Variants in PIWIL1 observed in about 807,000 individuals in gnomAD.
The protein encoded by PIWIL1 is piwi like RNA-mediated gene silencing 1.
A neutral mutation model predicts 114.4 loss-of-function variants in PIWIL1; 73 were observed. The observed-to-expected ratio is 0.64, with a 90% confidence interval of 0.53 to 0.78. PIWIL1 has a LOEUF of 0.78. Among genes scored for constraint, PIWIL1 ranks in the 30% least tolerant of loss-of-function variants. The pLI, the probability that PIWIL1 is intolerant of heterozygous loss-of-function variation, is 0.00. For synonymous variants in PIWIL1, 375 were observed against 369.0 expected, an observed-to-expected ratio of 1.02 and a Z score of -0.19; for missense variants, 723 against 1,063.1, an observed-to-expected ratio of 0.68 and a Z score of 4.45.
chr12:130,424,438 G>A, the PIWIL1 span: 58 of 1,232,408 alleles, frequency 4.7e-5, no homozygotes, highest in East Asian at 3.2e-5. This position sits in a 1 kb window ranked among gnomAD's most constrained non-coding sequence, Gnocchi z 9.8. Flanking sequence ...CAGTGACCAG[G>A]GCCTGGGCTG....
the PIWIL1 span, among the ~76,000 whole-genome samples, chr12:130,393,149 C>CCGT: frequency 5.3e-5 from 8 of 150,970 alleles, no homozygotes; most frequent in Admixed American, 2.0e-4. Context: ...GACCCGGTCA[C>CCGT]CATCATCACG....
At chr12:130,343,215 C>G in intron 3 of PIWIL1, 114 bp downstream of exon 3, 1 of 638,494 alleles carries the variant, frequency 1.6e-6, no homozygotes, top group Non-Finnish European at 2.7e-6. Flanking sequence ...GAAACATTTC[C>G]TTATAATGTT....
the PIWIL1 span, among the ~76,000 whole-genome samples, chr12:130,391,342 A>G: frequency 5.9e-5 from 9 of 152,248 alleles, no homozygotes; most frequent in African/African-American, 2.2e-4. Context: ...TTTCCCTCAC[A>G]GTGTGTGGAG....
the PIWIL1 span, chr12:130,399,915 G>T: frequency 7.7e-7 from 1 of 1,294,566 alleles, no homozygotes; most frequent in Non-Finnish European, 1.1e-6. Context: ...TACATGGTGA[G>T]TTTATTCTGG....
chr12:130,340,569 C>T (rs1198848717), intron 1 of PIWIL1, among the ~76,000 whole-genome samples: 2 of 146,704 alleles, frequency 1.4e-5, no homozygotes, highest in East Asian at 2.1e-4. Flanking sequence ...CTGCGGCTCA[C>T]TTCCTGCTGT....
the PIWIL1 span, chr12:130,424,998 C>T: frequency 5.6e-5 from 25 of 445,114 alleles, no homozygotes; most frequent in Admixed American, 2.2e-4. This position sits in a 1 kb window ranked among gnomAD's most constrained non-coding sequence, Gnocchi z 9.8. Context: ...CTACTCAGGC[C>T]GGGGGCATGC....
At chr12:130,367,668 A>T (rs976301087) in intron 19 of PIWIL1, among the ~76,000 whole-genome samples, 1 of 152,206 alleles carries the variant, frequency 6.6e-6, no homozygotes, top group Non-Finnish European at 1.5e-5. Flanking sequence ...CTTATGAGTA[A>T]AGTGGCTTCT....
At chr12:130,412,737 G>T in the PIWIL1 span, 1 of 1,613,868 alleles carries the variant, frequency 6.2e-7, no homozygotes, top group Non-Finnish European at 8.5e-7. Context: ...GGCCAAGCCG[G>T]GCACAGGTTT....
the PIWIL1 span, chr12:130,419,396 C>T: frequency 6.6e-6 from 1 of 152,260 alleles, no homozygotes; most frequent in African/African-American, 2.4e-5. The surrounding 1 kb of genome is among the most constrained non-coding windows in gnomAD (Gnocchi z 4.3). Context: ...CCACTGGTGC[C>T]ATAAGAATAA....
chr12:130,393,812 T>C, the PIWIL1 span, among the ~76,000 whole-genome samples: 1 of 152,202 alleles, frequency 6.6e-6, no homozygotes, highest in Non-Finnish European at 1.5e-5. Context: ...AGAAAGTCAC[T>C]TGGCCAAGTG....
chr12:130,380,469 G>C, the PIWIL1 span, among the ~76,000 whole-genome samples: 320 of 152,320 alleles, frequency 2.1e-3, no homozygotes, highest in Non-Finnish European at 3.6e-3. Context: ...GAAACCAAGA[G>C]GACCACTAAG....
At chr12:130,392,984 G>A in the PIWIL1 span, among the ~76,000 whole-genome samples, 2 of 103,502 alleles carry the variant, frequency 1.9e-5, no homozygotes, top group East Asian at 2.8e-4. Flanking sequence ...ACGTGTGTGC[G>A]TCAGTTACCT....
At chr12:130,404,943 TA>T in the PIWIL1 span, among the ~76,000 whole-genome samples, 3 of 152,298 alleles carry the variant, frequency 2.0e-5, no homozygotes, top group Non-Finnish European at 4.4e-5. Context: ...TTTTTATTAT[TA>T]AAAAATGATT....
intron 1 of PIWIL1, among the ~76,000 whole-genome samples, chr12:130,341,908 G>T (rs893422392): frequency 6.6e-6 from 1 of 152,184 alleles, no homozygotes; most frequent in African/African-American, 2.4e-5. Context: ...GGTCCTGGCA[G>T]ATGTAGGAGA....
chr12:130,363,641 G>C (rs1440829487), intron 18 of PIWIL1, among the ~76,000 whole-genome samples: 1 of 106,184 alleles, frequency 9.4e-6, no homozygotes, highest in African/African-American at 3.6e-5. Flanking sequence ...TTTTTGAGAT[G>C]GAGTCTCGCT....
chr12:130,378,478 G>A, the PIWIL1 span, among the ~76,000 whole-genome samples: 443 of 152,226 alleles, frequency 2.9e-3, 3 homozygotes, highest in African/African-American at 1.0e-2. Flanking sequence ...TTTCTCTGGC[G>A]GATACATAGA....
the PIWIL1 span, among the ~76,000 whole-genome samples, chr12:130,418,423 T>C: frequency 1.3e-5 from 2 of 152,202 alleles, no homozygotes; most frequent in Admixed American, 1.3e-4. Context: ...CAGCCCCTGC[T>C]CACACCCAGG....
chr12:130,353,823 G>A (rs1265978234), intron 9 of PIWIL1, among the ~76,000 whole-genome samples: 1 of 131,796 alleles, frequency 7.6e-6, no homozygotes, highest in Non-Finnish European at 1.6e-5. Context: ...CTACGCAGGA[G>A]GCTGAGGCAG....
chr12:130,402,572 T>C, the PIWIL1 span, among the ~76,000 whole-genome samples: 1 of 152,168 alleles, frequency 6.6e-6, no homozygotes, highest in Non-Finnish European at 1.5e-5. Flanking sequence ...AATTTCACCT[T>C]GACCTTTCCC....
Sources: allele counts gnomAD v4.1 joint callset (sites outside exome capture counted in the v4.1 genomes callset), GRCh38; gene constraint gnomAD v4.1.1; non-coding constraint Gnocchi (gnomAD v3.1); transcripts MANE v1.5; gene names NCBI Gene and HGNC (gene_info 2026-07-23, HGNC 2026-07-21).